The following GAS7 variants were observed in gnomAD, a reference collection of about 807,000 sequenced individuals.
The protein encoded by GAS7 is growth arrest-specific protein 7.
A neutral mutation model predicts 71.1 loss-of-function variants in GAS7; 28 were observed. That is an observed-to-expected ratio of 0.39 (90% confidence interval 0.29 to 0.54). The LOEUF (loss-of-function observed/expected upper bound fraction) is 0.54, where lower values mean the gene tolerates loss of function less well. GAS7 is among the 20% of genes least tolerant of loss of function. The pLI is 0.62. For missense variants in GAS7, 436 were observed against 627.8 expected, an observed-to-expected ratio of 0.69 and a Z score of 3.27; for synonymous variants, 258 against 245.8, an observed-to-expected ratio of 1.05 and a Z score of -0.46.
At chr17:10,149,981 A>C (rs924894923) in intron 1 of GAS7, among the ~76,000 whole-genome samples, 2 of 152,168 alleles carry the variant, frequency 1.3e-5, no homozygotes, top group African/African-American at 2.4e-5. Flanking sequence ...GACAGCTAAC[A>C]GGGAAGGGGT....
At chr17:10,132,366 C>T (rs996270735) in intron 1 of GAS7, among the ~76,000 whole-genome samples, 9 of 152,338 alleles carry the variant, frequency 5.9e-5, no homozygotes, top group African/African-American at 1.9e-4. Context: ...CAACCTCACC[C>T]CACCACCCTA....
chr17:10,027,432 T>C (rs985123323), intron 1 of GAS7, among the ~76,000 whole-genome samples: 6 of 152,150 alleles, frequency 3.9e-5, no homozygotes, highest in African/African-American at 1.4e-4. Context: ...TCTGCTATGG[T>C]TTGAATGTGT....
chr17:10,138,508 T>C (rs972210911), intron 1 of GAS7, among the ~76,000 whole-genome samples: 5 of 152,128 alleles, frequency 3.3e-5, no homozygotes, highest in African/African-American at 1.2e-4. Context: ...CTCACGCCTG[T>C]ATTACCAGCA....
chr17:9,947,135 A>C, intron 5 of GAS7, 152 bp from the exon 6 acceptor site: 1 of 572,482 alleles, frequency 1.7e-6, no homozygotes, highest in Non-Finnish European at 3.2e-6. Flanking sequence ...AGCATTTCAC[A>C]TGAGCGGCAA....
Position 9,936,018 on chromosome 17 carries a change from A to G in GAS7, c.807-1774T>C, listed in dbSNP as rs547742206. Among the ~76,000 whole-genome samples, 8 of 152,328 alleles carry G rather than the reference A, an allele frequency of 5.3e-5. No homozygotes were observed. The South Asian group carries it at 1.7e-3, about 32-fold the overall frequency. The stretch of plus-strand genomic sequence containing the variant: ...CCAGCTAGGGCCGATTGACTGCAGC[A>G]AAGAGGTTAGGGTGTTTCCATGGGG... On this transcript the variant is annotated intron_variant, in intron 8 of 13. Transcript: ENST00000432992.
intron 1 of GAS7, among the ~76,000 whole-genome samples, chr17:10,178,659 A>C (rs1439235176): frequency 6.9e-6 from 1 of 145,474 alleles, no homozygotes; most frequent in Non-Finnish European, 1.5e-5. Flanking sequence ...AAATCTTTGA[A>C]AGAGCTTCAC....
rs1597806573 is a variant in GAS7 at position 10,125,970 on chromosome 17, C to A, written c.183+72238G>T. Reference sequence around the variant, plus strand: ...AGCTGGACAAGGCTGGCTCCATGTGCGTTCTGACCACCACGGGTGCAACCC... The same window carrying A: ...AGCTGGACAAGGCTGGCTCCATGTGAGTTCTGACCACCACGGGTGCAACCC... On this transcript the variant is annotated intron_variant, in intron 1 of 13. Transcript: ENST00000432992. Among the ~76,000 whole-genome samples, 4 of 152,280 alleles carry A rather than the reference C, an allele frequency of 2.6e-5. No homozygotes were observed. In the South Asian group the frequency reaches 8.3e-4, roughly 32 times the overall value.
chr17:9,925,808 G>A (rs1194669716), intron 10 of GAS7, among the ~76,000 whole-genome samples: 1 of 152,166 alleles, frequency 6.6e-6, no homozygotes, highest in Non-Finnish European at 1.5e-5. Flanking sequence ...GCCTCTTCCA[G>A]TGACATCTGG....
intron 2 of GAS7, among the ~76,000 whole-genome samples, chr17:10,013,553 C>T (rs1282953167): frequency 6.6e-6 from 1 of 152,162 alleles, no homozygotes; most frequent in Non-Finnish European, 1.5e-5. Flanking sequence ...CAGAGAGCCA[C>T]AAGAAAGATG....
intron 1 of GAS7, among the ~76,000 whole-genome samples, chr17:10,021,151 T>C (rs757006575): frequency 5.3e-5 from 8 of 152,184 alleles, no homozygotes; most frequent in African/African-American, 1.2e-4. Flanking sequence ...AAAATCAGAA[T>C]TGTAGCCATA....
At chr17:10,005,251 G>GTA (rs1555617583) in intron 2 of GAS7, among the ~76,000 whole-genome samples, 24 of 150,434 alleles carry the variant, frequency 1.6e-4, no homozygotes, top group African/African-American at 5.7e-4. Flanking sequence ...GCATGCATGT[G>GTA]TGTGCACACA....
At chr17:10,067,715 C>CA (rs1248491836) in intron 1 of GAS7, among the ~76,000 whole-genome samples, 1 of 152,218 alleles carries the variant, frequency 6.6e-6, no homozygotes, top group African/African-American at 2.4e-5. Context: ...AGTCCCCCTA[C>CA]ACCATGACAG....
chr17:10,159,073 T>C (rs1567614356), intron 1 of GAS7, among the ~76,000 whole-genome samples: 2 of 109,124 alleles, frequency 1.8e-5, no homozygotes, highest in Admixed American at 9.8e-5. Context: ...AACATATATA[T>C]ATATATATAT....
intron 2 of GAS7, among the ~76,000 whole-genome samples, chr17:10,017,133 AAAATAAATAAATAAATAAAT>A (rs3076181): frequency 0.049 from 6,460 of 132,316 alleles, 266 homozygotes; most frequent in African/African-American, 0.14. Context: ...CCTGTCTAAA[AAAATAAATAAATAAATAAAT>A]AAATAAATAA....
intron 1 of GAS7, among the ~76,000 whole-genome samples, chr17:10,055,591 C>A (rs138885811): frequency 7.9e-5 from 12 of 152,324 alleles, no homozygotes; most frequent in African/African-American, 2.6e-4. Context: ...GGTTTTCCCC[C>A]ACAAGGAAAT....
chr17:10,158,101 C>T (rs1296809681), intron 1 of GAS7, among the ~76,000 whole-genome samples: 1 of 152,186 alleles, frequency 6.6e-6, no homozygotes, highest in Non-Finnish European at 1.5e-5. Context: ...AGCTCTGCCT[C>T]CCAGGTTGAT....
intron 2 of GAS7, among the ~76,000 whole-genome samples, chr17:9,982,824 G>GGAAAGAAAGGAAAGAAAGGAAAGAAA (rs1555611352): frequency 8.6e-6 from 1 of 116,184 alleles, no homozygotes; most frequent in African/African-American, 4.0e-5. Flanking sequence ...AGGAAAGAAA[G>GGAAAGAAAGGAAAGAAAGGAAAGAAA]GAAAGAAAGA....
At chr17:10,000,371 C>A (rs1468425352) in intron 2 of GAS7, among the ~76,000 whole-genome samples, 1 of 152,150 alleles carries the variant, frequency 6.6e-6, no homozygotes, top group Non-Finnish European at 1.5e-5. Flanking sequence ...CTACCTTTAT[C>A]CAGGTGTTGG....
rs374394518 is a variant in GAS7, at chr17:9,917,205, C to T, written c.*23G>A. On this transcript the variant is annotated 3_prime_UTR_variant, in exon 14 of 14. Coordinates refer to ENST00000432992, the MANE Select transcript of GAS7 (RefSeq NM_201433.2). ...GCCCAGCCCCCCTCCCCAGCAGGAC[C>T]CCCCGAAGCTGCACAGGCCCATCTA... 303 of 1,379,348 alleles carry T rather than the reference C, an allele frequency of 2.2e-4. No individual in the cohort carries two copies. The African/African-American group carries it at 3.6e-3, about 16-fold the overall frequency. 85.4% of individuals were successfully genotyped at this position (1,379,348 alleles called of 1,614,324 possible). A position where few individuals can be genotyped will look rare whatever the true frequency, so the allele number is the denominator to read the frequency against.
Sources: gnomAD v4.1 joint callset for allele counts (sites outside exome capture counted in the v4.1 genomes callset) on GRCh38, gnomAD v4.1.1 for gene constraint, MANE v1.5 for transcripts, NCBI Gene and HGNC (gene_info 2026-07-23, HGNC 2026-07-21) for gene names.